Variants in PRMT3 observed in about 807,000 individuals in gnomAD.
The protein encoded by PRMT3 is protein arginine N-methyltransferase 3.
A neutral mutation model predicts 71.9 loss-of-function variants in PRMT3; 62 were observed. That is an observed-to-expected ratio of 0.86 (90% CI 0.70 to 1.07). The LOEUF is 1.07. PRMT3 is among the 50% of genes least tolerant of loss of function. PRMT3 has a pLI of 0.00. For synonymous variants in PRMT3, 213 were observed against 220.4 expected (o/e 0.97, Z 0.30); for missense variants, 663 against 643.0 (o/e 1.03, Z -0.34).
At chr11:20,452,486 G>T (rs907369167) in intron 11 of PRMT3, among the ~76,000 whole-genome samples, 2 of 152,042 alleles carry the variant, frequency 1.3e-5, no homozygotes, top group South Asian at 2.1e-4. Flanking sequence ...GAAGCTTTTT[G>T]ATATTCAAAC....
chr11:20,471,135 A>C (rs534813988), intron 13 of PRMT3, among the ~76,000 whole-genome samples: 40 of 151,556 alleles, frequency 2.6e-4, no homozygotes, highest in Non-Finnish European at 4.7e-4. Context: ...TGTCAGATGG[A>C]TAGATTGCAA....
chr11:20,404,211 GTTTTTTTTTTTTTTTTTTTTTTT>G (rs71063629), intron 8 of PRMT3, among the ~76,000 whole-genome samples: 5 of 34,338 alleles, frequency 1.5e-4, no homozygotes, highest in African/African-American at 5.3e-4. Flanking sequence ...ACTTTTCATA[GTTTTTTTTTTTTTTTTTTTTTTT>G]TTTTTTTTTT....
At chr11:20,463,317 C>A (rs1487545366) in intron 12 of PRMT3, among the ~76,000 whole-genome samples, 1 of 152,128 alleles carries the variant, frequency 6.6e-6, no homozygotes, top group Non-Finnish European at 1.5e-5. Context: ...TTAAGAAAAA[C>A]AGTCTGCTTG....
chr11:20,425,591 T>C lies in PRMT3; in HGVS notation c.894-1175T>C, dbSNP rs117909419. On this transcript the variant is annotated intron_variant, in intron 9 of 15. Coordinates refer to ENST00000331079, the MANE Select transcript of PRMT3 (RefSeq NM_005788.4). ...GCAAGGAACAAACAAACTACTGATA[T>C]ACACAAAAGCATACATGAAACTAAA... Among the ~76,000 whole-genome samples the C allele has an allele frequency of 3.6e-3, 549 of 152,280 alleles. 2 individuals carry two copies. The highest frequency in any genetic ancestry group is 5.8e-3 in the Non-Finnish European group (395 of 68,014).
intron 10 of PRMT3, among the ~76,000 whole-genome samples, chr11:20,448,009 AG>A (rs773715467): frequency 6.6e-6 from 1 of 152,074 alleles, no homozygotes; most frequent in East Asian, 1.9e-4. Flanking sequence ...TTGTAAACAA[AG>A]TGTTTTACTC....
intron 2 of PRMT3, 53 bp downstream of exon 2, chr11:20,388,207 G>T (rs1035107284): frequency 9.3e-6 from 15 of 1,607,918 alleles, no homozygotes; most frequent in African/African-American, 4.0e-5. Flanking sequence ...GGCGCGTGGG[G>T]TCTGTGTGCC....
At chr11:20,463,078 A>G (rs1190807176) in intron 12 of PRMT3, among the ~76,000 whole-genome samples, 1 of 152,122 alleles carries the variant, frequency 6.6e-6, no homozygotes, top group African/African-American at 2.4e-5. Flanking sequence ...GTTGACCAGG[A>G]TGGTCTTGAT....
chr11:20,407,285 A>C (rs1409854674), intron 8 of PRMT3: 2 of 151,982 alleles, frequency 1.3e-5, no homozygotes, highest in African/African-American at 4.8e-5. Context: ...ATACTGTTCT[A>C]TTGTGTATAT....
chr11:20,413,165 G>A (rs1311909202), intron 9 of PRMT3, among the ~76,000 whole-genome samples: 1 of 152,064 alleles, frequency 6.6e-6, no homozygotes, highest in African/African-American at 2.4e-5. Flanking sequence ...TTTTTATATT[G>A]TGAAAAGGTA....
At chr11:20,391,666 GA>G (rs1848719042) in intron 3 of PRMT3, among the ~76,000 whole-genome samples, 1 of 148,962 alleles carries the variant, frequency 6.7e-6, no homozygotes, top group Admixed American at 6.6e-5. Flanking sequence ...CTCATAACAA[GA>G]GTTTTATGAC....
chr11:20,395,406 C>T (rs972636315), intron 5 of PRMT3, among the ~76,000 whole-genome samples: 2 of 151,962 alleles, frequency 1.3e-5, no homozygotes, highest in Non-Finnish European at 2.9e-5. Flanking sequence ...TACAGTGGTG[C>T]GATCACAGCT....
rs545920220 is a variant in PRMT3 at position 20,483,460 on chromosome 11, C to G, written c.1348-10459C>G. ...ATAAGGAAACAGTAATCATTGATAT[C>G]AAGCAGTGGAAAACCGATGATGTGT... On this transcript the variant is annotated intron_variant, in intron 13 of 15. Transcript: ENST00000331079. 2.0e-5 allele frequency among the ~76,000 whole-genome samples: 3 copies of G among 150,530 alleles called. No individual in the cohort carries two copies. The South Asian group carries it at 6.3e-4, about 31-fold the overall frequency.
At position 20,493,902 on chromosome 11, in the gene PRMT3, C is replaced by T. The variant is rs751013910; in HGVS notation, c.1348-17C>T. 1 of 1,529,094 alleles carries T rather than the reference C, an allele frequency of 6.5e-7. No homozygotes were observed. Among genetic ancestry groups the T allele is most frequent in the Non-Finnish European group, 9.0e-7 (1 of 1,112,506 alleles). 94.7% of individuals were successfully genotyped at this position (1,529,094 alleles called of 1,614,324 possible). A position where few individuals can be genotyped will look rare whatever the true frequency, so the allele number is the denominator to read the frequency against. On this transcript the variant is annotated splice_polypyrimidine_tract_variant and intron_variant, in intron 13 of 15. Coordinates refer to ENST00000331079, the MANE Select transcript of PRMT3 (RefSeq NM_005788.4). ...ATTCATTTAGTAAGCATTTATATTT[C>T]TTTTTTTAAAAAACAGGCAATTGCT... is the stretch of plus-strand genomic sequence containing the variant.
chr11:20,431,419 T>A (rs1046716594), intron 10 of PRMT3, among the ~76,000 whole-genome samples: 8 of 152,106 alleles, frequency 5.3e-5, no homozygotes, highest in African/African-American at 1.7e-4. Flanking sequence ...CTTAGAACAG[T>A]TTCTGGCACA....
chr11:20,482,629 G>T (rs986162312), intron 13 of PRMT3, among the ~76,000 whole-genome samples: 1 of 151,874 alleles, frequency 6.6e-6, no homozygotes, highest in South Asian at 2.1e-4. Context: ...TGATTCAGCC[G>T]GTTACCCATG....
intron 7 of PRMT3, among the ~76,000 whole-genome samples, chr11:20,401,854 C>T (rs1848955624): frequency 6.6e-6 from 1 of 152,092 alleles, no homozygotes; most frequent in African/African-American, 2.4e-5. Flanking sequence ...AGTGTAGGAG[C>T]CTTATAATGT....
At chr11:20,501,369 TCCATCA>T (rs1054630404) in intron 15 of PRMT3, among the ~76,000 whole-genome samples, 175 of 151,970 alleles carry the variant, frequency 1.2e-3, no homozygotes, top group African/African-American at 4.0e-3. Context: ...TCCAATTTTC[TCCATCA>T]CCTTGGGTAA....
intron 13 of PRMT3, among the ~76,000 whole-genome samples, chr11:20,491,770 G>A (rs1230375874): frequency 6.6e-6 from 1 of 152,106 alleles, no homozygotes; most frequent in Non-Finnish European, 1.5e-5. Flanking sequence ...AGCTTTTGCT[G>A]TGTGGGTTTG....
rs7119577 is a variant in PRMT3 at position 20,508,633 on chromosome 11, G to A, written c.*220G>A. The A allele has an allele frequency of 0.014, 8,907 of 654,840 alleles. 508 individuals carry two copies. Among genetic ancestry groups the A allele is most frequent in the African/African-American group, 0.13 (7,491 of 56,196 alleles). The allele number at this position is 654,840 out of a possible 1,614,324, so 40.6% of individuals were successfully genotyped here. ...GGTCTGCCACGTAATCATTTTCTTA[G>A]ACGTTTGCTCCACCAGATTTAACCA... On this transcript the variant is annotated 3_prime_UTR_variant, in exon 16 of 16. Coordinates refer to ENST00000331079, the MANE Select transcript of PRMT3 (RefSeq NM_005788.4).
Sources: gnomAD v4.1 joint callset for allele counts (sites outside exome capture counted in the v4.1 genomes callset) on GRCh38, gnomAD v4.1.1 for gene constraint, MANE v1.5 for transcripts, NCBI Gene and HGNC (gene_info 2026-07-23, HGNC 2026-07-21) for gene names.